Variants in KIF20B observed in about 807,000 individuals in gnomAD.
The protein encoded by KIF20B is kinesin-like protein KIF20B.
In KIF20B, 188 loss-of-function variants were observed where a neutral mutation model predicts 232.5. The ratio of observed to expected loss-of-function variants is 0.81; its 90% CI spans 0.72 to 0.91. The LOEUF (loss-of-function observed/expected upper bound fraction) is 0.91, where lower values mean the gene tolerates loss of function less well. Among genes scored for constraint, KIF20B ranks in the 40% least tolerant of loss-of-function variants. The pLI is 0.00. For synonymous variants in KIF20B, 712 were observed against 683.0 expected (o/e 1.04, Z -0.66); for missense variants, 2,154 against 2,055.9 (o/e 1.05, Z -0.92).
rs1030730195 is a variant in KIF20B, at chr10:89,762,541, T to C, written c.4792-97T>C. The C allele has an allele frequency of 2.7e-5, 23 of 847,736 alleles. No homozygotes were observed. The East Asian group carries it at 5.5e-4, about 20-fold the overall frequency. 52.5% of individuals were successfully genotyped at this position (847,736 alleles called of 1,614,324 possible). A position where few individuals can be genotyped will look rare whatever the true frequency, so the allele number is the denominator to read the frequency against. On this transcript the variant is annotated intron_variant, in intron 28 of 32. Transcript: ENST00000371728. Reference sequence around the variant, plus strand: ...CTAGCACGCTTTTTGTCTTTCCCAATGCATTGTCTTGGATAGGCATTTGAG... The same window carrying C: ...CTAGCACGCTTTTTGTCTTTCCCAACGCATTGTCTTGGATAGGCATTTGAG...
chr10:89,721,136 A>G (rs1277768629), intron 13 of KIF20B, among the ~76,000 whole-genome samples: 2 of 152,234 alleles, frequency 1.3e-5, no homozygotes, highest in Admixed American at 6.5e-5. Flanking sequence ...CACACATCAC[A>G]GTACTCTTCT....
intron 2 of KIF20B, among the ~76,000 whole-genome samples, chr10:89,708,946 A>G (rs1306475897): frequency 1.3e-5 from 2 of 152,220 alleles, no homozygotes; most frequent in African/African-American, 4.8e-5. Context: ...TCACGTATAA[A>G]TACAGGAGAT....
chr10:89,749,886 G>A (rs1197962882), intron 23 of KIF20B, among the ~76,000 whole-genome samples: 2 of 152,122 alleles, frequency 1.3e-5, no homozygotes, highest in African/African-American at 2.4e-5. Flanking sequence ...GGGATGGTAA[G>A]CAAGTGTTGA....
intron 1 of KIF20B, among the ~76,000 whole-genome samples, chr10:89,703,697 A>T (rs963443024): frequency 1.3e-5 from 2 of 151,572 alleles, no homozygotes; most frequent in Non-Finnish European, 2.9e-5. Context: ...ATTTTGGGCC[A>T]TTTTGAAAGT....
At chr10:89,730,569 G>T (rs919180155) in intron 18 of KIF20B, among the ~76,000 whole-genome samples, 205 of 152,088 alleles carry the variant, frequency 1.3e-3, no homozygotes, top group Non-Finnish European at 1.6e-3. Flanking sequence ...TAGAGGAAGG[G>T]GACAGTGGTA....
rs770309930 is a variant in KIF20B, at chr10:89,718,892, A to G, written c.1434+20A>G. On this transcript the variant is annotated intron_variant, in intron 12 of 32. Coordinates refer to ENST00000371728, the MANE Select transcript of KIF20B (RefSeq NM_001284259.2). ...CAAAAAGTAAATATTTATTTTATTAAGCCTCTTATTATTAGAATATTAACA... is the reference window on the plus strand; with the variant it reads ...CAAAAAGTAAATATTTATTTTATTAGGCCTCTTATTATTAGAATATTAACA... 1 of 1,422,746 alleles carries G rather than the reference A, an allele frequency of 7.0e-7. No homozygotes were observed. The highest frequency in any genetic ancestry group is 2.4e-5 in the East Asian group (1 of 41,808). 88.1% of individuals were successfully genotyped at this position (1,422,746 alleles called of 1,614,324 possible).
intron 26 of KIF20B, among the ~76,000 whole-genome samples, chr10:89,758,328 A>G (rs2026551): frequency 0.31 from 46,890 of 151,698 alleles, 8,147 homozygotes; most frequent in African/African-American, 0.46. Context: ...TTTTGAACCT[A>G]TTGTAAATGG....
intron 22 of KIF20B, 107 bp downstream of exon 22, chr10:89,744,034 C>A: frequency 7.5e-6 from 6 of 802,774 alleles, no homozygotes; most frequent in Non-Finnish European, 9.4e-6. Context: ...TTGACTTTTT[C>A]TAGAATCTAG....
At chr10:89,749,641 T>C (rs542109648) in intron 23 of KIF20B, among the ~76,000 whole-genome samples, 1 of 152,336 alleles carries the variant, frequency 6.6e-6, no homozygotes, top group East Asian at 1.9e-4. Flanking sequence ...TTATGGACAA[T>C]TCATGTTAAG....
chr10:89,771,164 C>T (rs1396408826), intron 31 of KIF20B, among the ~76,000 whole-genome samples: 1 of 151,996 alleles, frequency 6.6e-6, no homozygotes, highest in African/African-American at 2.4e-5. Flanking sequence ...ATTAGGGAGA[C>T]ACCTTCCTTC....
chr10:89,703,997 C>A (rs994844675), intron 1 of KIF20B, among the ~76,000 whole-genome samples: 2 of 152,148 alleles, frequency 1.3e-5, no homozygotes, highest in Non-Finnish European at 2.9e-5. Flanking sequence ...GTGATCCACC[C>A]ACCTCGGCCT....
Position 89,738,372 on chromosome 10 carries a change from T to C in KIF20B, c.3531T>C (p.Cys1177=), listed in dbSNP as rs1400403127. 7 of 1,606,712 alleles carry C rather than the reference T, an allele frequency of 4.4e-6. No homozygotes were observed. The highest frequency in any genetic ancestry group is 5.9e-6 in the Non-Finnish European group (7 of 1,177,876). ...ETILETQKVE[C]SHSAKLEQDI... is the part of the protein sequence containing the mutation. ...TTTTAGAGACTCAGAAAGTTGAATG[T>C]AGTCATTCAGCCAAGTTAGAACAAG... Residue 1177 remains cysteine, a synonymous_variant, in exon 20 of 33, where the codon TGT becomes TGC. Coordinates refer to ENST00000371728, the MANE Select transcript of KIF20B (RefSeq NM_001284259.2).
At position 89,774,290 on chromosome 10, in the gene KIF20B, A is replaced by T. The variant is rs1156918745; in HGVS notation, c.*242A>T. ...ATTATCTCAGACATTGGATCAGTGA[A>T]GATCCTAGGAAAGAGGCTGTTATTC... On this transcript the variant is annotated 3_prime_UTR_variant, in exon 33 of 33. Transcript: ENST00000371728. 2 of 274,438 alleles carry T rather than the reference A, an allele frequency of 7.3e-6. No homozygotes were observed. The highest frequency in any genetic ancestry group is 1.4e-5 in the Non-Finnish European group (2 of 147,508). 17.0% of individuals were successfully genotyped at this position (274,438 alleles called of 1,614,324 possible). A position where few individuals can be genotyped will look rare whatever the true frequency, so the allele number is the denominator to read the frequency against.
intron 19 of KIF20B, among the ~76,000 whole-genome samples, chr10:89,735,894 G>T (rs963374334): frequency 3.3e-5 from 5 of 152,088 alleles, no homozygotes; most frequent in African/African-American, 4.8e-5. Context: ...CATTATAATT[G>T]TCTTCTGCTC....
chr10:89,725,231 T>TGA (rs1843155698), intron 15 of KIF20B, 73 bp downstream of exon 15: 1 of 1,263,726 alleles, frequency 7.9e-7, no homozygotes, highest in Non-Finnish European at 1.1e-6. Context: ...ACATCAATGA[T>TGA]GAGAAACACC....
intron 13 of KIF20B, among the ~76,000 whole-genome samples, chr10:89,722,224 A>T (rs115629612): frequency 2.8e-4 from 43 of 152,306 alleles, no homozygotes; most frequent in African/African-American, 9.4e-4. Context: ...TGACATTTTA[A>T]TTAAAGGATT....
At position 89,754,611 on chromosome 10, in the gene KIF20B, A is replaced by C; in HGVS notation, c.4441A>C (p.Asn1481His). ...AGCGAAAGAAGCAGAGAATATACGA[A>C]ATAAAGAGATGAAAAAATATGCTGA... is the stretch of plus-strand genomic sequence containing the variant. Reference protein sequence around the residue: ...TQAKEAENIRNKEMKKYAEDR... With the variant: ...TQAKEAENIRHKEMKKYAEDR... The change falls in exon 26 of 33, where the codon AAT becomes CAT. Residue 1481 changes from asparagine (N) to histidine (H), a missense_variant. By Grantham distance (68) the Asn-to-His change is moderately conservative. Coordinates refer to ENST00000371728, the MANE Select transcript of KIF20B (RefSeq NM_001284259.2). 6.2e-7 allele frequency: 1 copy of C among 1,605,904 alleles called. No individual in the cohort carries two copies. The highest frequency in any genetic ancestry group is 8.5e-7 in the Non-Finnish European group (1 of 1,176,460).
At chr10:89,727,749 A>G (rs773432232) in intron 16 of KIF20B, 107 bp from the exon 17 acceptor site, 1 of 988,444 alleles carries the variant, frequency 1.0e-6, no homozygotes, top group Non-Finnish European at 1.4e-6. Flanking sequence ...CTTTTTATTG[A>G]ATGTAACAGT....
In KIF20B at chr10:89,719,366, G is replaced by C. The variant is rs75038320; in HGVS notation, c.1435-53G>C. The C allele has an allele frequency of 1.0e-3, 1,242 of 1,230,828 alleles. 17 individuals carry two copies. The East Asian group carries it at 0.024, about 24-fold the overall frequency. The allele number at this position is 1,230,828 out of a possible 1,614,324, so 76.2% of individuals were successfully genotyped here. A position where few individuals can be genotyped will look rare whatever the true frequency, so the allele number is the denominator to read the frequency against. ...AAATTTATAAAATAATCATTTTCTAGTGGACAGTTCTTGTCTTTTCTGTTT... is the reference window on the plus strand; with the variant it reads ...AAATTTATAAAATAATCATTTTCTACTGGACAGTTCTTGTCTTTTCTGTTT... On this transcript the variant is annotated intron_variant, in intron 12 of 32. Transcript: ENST00000371728.
Sources: gnomAD v4.1 joint callset for allele counts (sites outside exome capture counted in the v4.1 genomes callset) on GRCh38, gnomAD v4.1.1 for gene constraint, MANE v1.5 for transcripts, NCBI Gene and HGNC (gene_info 2026-07-23, HGNC 2026-07-21) for gene names.